Variants in THSD7A observed in about 807,000 individuals in gnomAD.
The protein encoded by THSD7A is thrombospondin type-1 domain-containing protein 7A.
A neutral mutation model predicts 231.3 loss-of-function variants in THSD7A; 96 were observed. That is an observed-to-expected ratio of 0.41 (90% CI 0.35 to 0.49). The LOEUF (loss-of-function observed/expected upper bound fraction) is 0.49. THSD7A is among the 20% of genes least tolerant of loss of function. THSD7A has a pLI of 0.05. For synonymous variants in THSD7A, 940 were observed against 743.3 expected, an observed-to-expected ratio of 1.26 and a Z score of -4.30; for missense variants, 2,290 against 2,070.2, an observed-to-expected ratio of 1.11 and a Z score of -2.06.
intron 6 of THSD7A, among the ~76,000 whole-genome samples, chr7:11,528,285 T>C (rs1340052276): frequency 6.6e-6 from 1 of 152,296 alleles, no homozygotes; most frequent in East Asian, 1.9e-4. Flanking sequence ...ATCAAATTTA[T>C]ATAGTGACTG....
rs574991934 is a variant in THSD7A at position 11,561,354 on chromosome 7, A to C, written c.1454-18237T>G. Among the ~76,000 whole-genome samples the C allele has an allele frequency of 2.3e-4, 35 of 152,312 alleles. No homozygotes were observed. The South Asian group carries it at 5.0e-3, about 22-fold the overall frequency. On this transcript the variant is annotated intron_variant, in intron 4 of 27. Transcript: ENST00000423059. ...CACATATCAAACCTAGTGGTCTATC[A>C]ATGAAAATTATTCTGACTTCTGTGC...
Position 11,447,295 on chromosome 7 carries a change from C to T in THSD7A, c.2735G>A (p.Trp912Ter). The change falls in exon 12 of 28, where the codon TGG (tryptophan) becomes TAG (stop). Residue 912 changes from tryptophan (W) to a stop codon, truncating the protein, a stop_gained. Transcript: ENST00000423059. LOFTEE classifies it high-confidence loss of function. ...TCCATTGCATGAAGAAAACTTGGAC[C>T]AGCTGGTCAATTGACAGTCATCCTG... ...PCQDDCQLTS[W>*]SKFSSCNGDC... 1 of 1,613,066 alleles carries T rather than the reference C, an allele frequency of 6.2e-7. No homozygotes were observed. Among genetic ancestry groups the T allele is most frequent in the Non-Finnish European group, 8.5e-7 (1 of 1,179,478 alleles).
intron 1 of THSD7A, among the ~76,000 whole-genome samples, chr7:11,797,315 T>C (rs7794473): frequency 0.21 from 32,459 of 151,880 alleles, 3,820 homozygotes; most frequent in South Asian, 0.33. Flanking sequence ...ATTTCCACAT[T>C]ACTCATTTTG....
At chr7:11,787,522 T>C (rs780234467) in intron 1 of THSD7A, among the ~76,000 whole-genome samples, 2 of 152,008 alleles carry the variant, frequency 1.3e-5, no homozygotes, top group Admixed American at 6.6e-5. Context: ...TAAATGACTG[T>C]TATCCAAAAT....
At chr7:11,386,766 T>C (rs1317896330) in intron 23 of THSD7A, among the ~76,000 whole-genome samples, 1 of 152,222 alleles carries the variant, frequency 6.6e-6, no homozygotes, top group Non-Finnish European at 1.5e-5. Flanking sequence ...TTTGGTGTTT[T>C]AGTCATGAAG....
At chr7:11,499,319 G>A (rs534349456) in intron 6 of THSD7A, among the ~76,000 whole-genome samples, 1 of 152,266 alleles carries the variant, frequency 6.6e-6, no homozygotes, top group South Asian at 2.1e-4. Flanking sequence ...GCATCTCTCT[G>A]ACTCTCAGGA....
chr7:11,597,879 C>A (rs998537033), intron 2 of THSD7A, among the ~76,000 whole-genome samples: 3 of 152,202 alleles, frequency 2.0e-5, no homozygotes, highest in African/African-American at 7.2e-5. Context: ...TGCCCATGGT[C>A]TCCACTCCTG....
rs570118284 is a variant in THSD7A at position 11,434,210 on chromosome 7, C to T, written c.3065-5085G>A. Among the ~76,000 whole-genome samples the T allele has an allele frequency of 2.6e-5, 4 of 152,148 alleles. No individual in the cohort carries two copies. The South Asian group carries it at 6.2e-4, about 24-fold the overall frequency. ...TTAAGGCTAAATAAACTGCTGGCAT[C>T]TTATAGCAATGTATGGTTTCTGAGG... On this transcript the variant is annotated intron_variant, in intron 13 of 27. Coordinates refer to ENST00000423059, the MANE Select transcript of THSD7A (RefSeq NM_015204.3).
rs138604919 is a variant in THSD7A at position 11,763,846 on chromosome 7, T to C, written c.190+67911A>G. Reference sequence around the variant, plus strand: ...TCCTCAGGATTTAAAGGTGATATGTTATATAAAAACATATTAGTTGGAGCT... The same window carrying C: ...TCCTCAGGATTTAAAGGTGATATGTCATATAAAAACATATTAGTTGGAGCT... On this transcript the variant is annotated intron_variant, in intron 1 of 27. Transcript: ENST00000423059. Among the ~76,000 whole-genome samples, 841 of 152,290 alleles carry C rather than the reference T, an allele frequency of 5.5e-3. 7 individuals carry two copies. The highest frequency in any genetic ancestry group is 0.019 in the African/African-American group (804 of 41,566).
chr7:11,788,393 C>A (rs1783853192), intron 1 of THSD7A, among the ~76,000 whole-genome samples: 1 of 151,950 alleles, frequency 6.6e-6, no homozygotes, highest in South Asian at 2.1e-4. Flanking sequence ...AATATATCCT[C>A]CCAGGTTTAT....
intron 4 of THSD7A, among the ~76,000 whole-genome samples, chr7:11,574,834 A>C (rs1321134641): frequency 1.3e-5 from 2 of 152,144 alleles, no homozygotes; most frequent in South Asian, 4.1e-4. Flanking sequence ...CACTATTTAA[A>C]AGAGAGGCAC....
At chr7:11,396,461 G>C (rs569548649) in intron 23 of THSD7A, among the ~76,000 whole-genome samples, 2 of 152,196 alleles carry the variant, frequency 1.3e-5, no homozygotes, top group African/African-American at 4.8e-5. Context: ...TATCATCACC[G>C]ATCCCACAGA....
At chr7:11,667,552 G>A (rs1783189864) in intron 1 of THSD7A, among the ~76,000 whole-genome samples, 1 of 152,048 alleles carries the variant, frequency 6.6e-6, no homozygotes, top group Admixed American at 6.6e-5. Context: ...GGGCAAGGTG[G>A]AAAGAAGAAA....
chr7:11,699,186 C>T (rs1780496578), intron 1 of THSD7A, among the ~76,000 whole-genome samples: 2 of 151,054 alleles, frequency 1.3e-5, no homozygotes, highest in Non-Finnish European at 3.0e-5. Flanking sequence ...AATTTAAATA[C>T]TACAGACTCA....
chr7:11,779,443 T>C (rs1783551747), intron 1 of THSD7A, among the ~76,000 whole-genome samples: 1 of 152,216 alleles, frequency 6.6e-6, no homozygotes, highest in South Asian at 2.1e-4. Flanking sequence ...TATCCAAATC[T>C]CTTTGTCTGA....
chr7:11,521,733 C>T (rs528223740), intron 6 of THSD7A, among the ~76,000 whole-genome samples: 5 of 138,184 alleles, frequency 3.6e-5, no homozygotes, highest in Admixed American at 7.7e-5. Context: ...CATTGTATGA[C>T]GTTTCCTTCA....
At position 11,799,855 on chromosome 7, in the gene THSD7A, G is replaced by A. The variant is rs1784228748; in HGVS notation, c.190+31902C>T. 3.3e-5 allele frequency among the ~76,000 whole-genome samples: 5 copies of A among 152,336 alleles called. No homozygotes were observed. The South Asian group carries it at 1.0e-3, about 32-fold the overall frequency. ...AATGAGAGAGTTTAGGTCTGCATGT[G>A]ATTAGACAGAAAAATCCAGTTCACT... On this transcript the variant is annotated intron_variant, in intron 1 of 27. Transcript: ENST00000423059.
intron 6 of THSD7A, among the ~76,000 whole-genome samples, chr7:11,521,867 T>A (rs1421050535): frequency 6.6e-6 from 1 of 151,986 alleles, no homozygotes; most frequent in Non-Finnish European, 1.5e-5. Flanking sequence ...CACCATTCAG[T>A]AAAACAATTC....
chr7:11,376,770 A>C, intron 26 of THSD7A, 113 bp from the exon 27 acceptor site: 1 of 619,300 alleles, frequency 1.6e-6, no homozygotes, highest in Admixed American at 2.9e-5. Context: ...AAAACCCGAA[A>C]AGAATTATTG....
Sources: allele counts gnomAD v4.1 joint callset (sites outside exome capture counted in the v4.1 genomes callset), GRCh38; gene constraint gnomAD v4.1.1; transcripts MANE v1.5; gene names NCBI Gene and HGNC (gene_info 2026-07-23, HGNC 2026-07-21).